The following NAV2 variants were observed in gnomAD, a reference collection of about 807,000 sequenced individuals.
The protein encoded by NAV2 is helicase, APC down-regulated 1.
Under a neutral mutation model 223.2 loss-of-function variants are expected in NAV2, and 54 were observed. That is an observed-to-expected ratio of 0.24 (90% CI 0.19 to 0.30). The LOEUF is 0.30. Ranked by LOEUF, NAV2 falls within the 10% of genes least tolerant of loss-of-function variation. NAV2 has a pLI of 1.00. For synonymous variants in NAV2, 1,279 were observed against 1,239.3 expected (o/e 1.03, Z -0.67); for missense variants, 2,806 against 3,147.5 (o/e 0.89, Z 2.60).
intron 6 of NAV2, among the ~76,000 whole-genome samples, chr11:19,924,945 C>A (rs1011061695): frequency 6.6e-6 from 1 of 152,164 alleles, no homozygotes; most frequent in Non-Finnish European, 1.5e-5. Context: ...TGCAGGATAA[C>A]AAGGGTCAGG....
intron 7 of NAV2, among the ~76,000 whole-genome samples, chr11:19,938,432 G>T (rs2046107568): frequency 6.6e-6 from 1 of 152,210 alleles, no homozygotes; most frequent in African/African-American, 2.4e-5. Flanking sequence ...GCCACCACTT[G>T]GCACCAGCAG....
At chr11:20,007,397 A>G (rs1210839358) in intron 11 of NAV2, among the ~76,000 whole-genome samples, 1 of 152,266 alleles carries the variant, frequency 6.6e-6, no homozygotes, top group African/African-American at 2.4e-5. Flanking sequence ...ATGTGTGAAC[A>G]GAATTTTTCC....
At chr11:19,447,017 T>C (rs1161930219) in intron 1 of NAV2, among the ~76,000 whole-genome samples, 1 of 152,202 alleles carries the variant, frequency 6.6e-6, no homozygotes, top group Admixed American at 6.5e-5. Context: ...GAGGTTACTA[T>C]GCTGCCTGCT....
At chr11:20,068,008 T>C (rs1243877370) in intron 20 of NAV2, among the ~76,000 whole-genome samples, 178 bp from the exon 21 acceptor site, 1 of 152,186 alleles carries the variant, frequency 6.6e-6, no homozygotes, top group African/African-American at 2.4e-5. Flanking sequence ...CCGTTTGTAT[T>C]TGGCCTTTCT....
chr11:19,748,275 A>G (rs549735489), intron 1 of NAV2, among the ~76,000 whole-genome samples: 1 of 152,316 alleles, frequency 6.6e-6, no homozygotes, highest in South Asian at 2.1e-4. Flanking sequence ...CATTTTACAA[A>G]TTAGGTAACC....
At chr11:19,508,640 G>A (rs919844786) in intron 1 of NAV2, among the ~76,000 whole-genome samples, 15 of 152,056 alleles carry the variant, frequency 9.9e-5, no homozygotes, top group Admixed American at 3.9e-4. Context: ...TAAGTTCCCC[G>A]TCCTGTACTC....
intron 3 of NAV2, among the ~76,000 whole-genome samples, chr11:19,863,244 A>G (rs1376238892): frequency 6.6e-6 from 1 of 151,654 alleles, no homozygotes; most frequent in Non-Finnish European, 1.5e-5. Flanking sequence ...CTCCATGTCA[A>G]CTCCTTTATG....
intron 1 of NAV2, among the ~76,000 whole-genome samples, chr11:19,553,611 C>T (rs1565044148): frequency 6.6e-6 from 1 of 152,186 alleles, no homozygotes; most frequent in South Asian, 2.1e-4. Context: ...GCTTGGGCTG[C>T]GGGTGGCCTC....
intron 1 of NAV2, among the ~76,000 whole-genome samples, chr11:19,527,324 A>G (rs1438688615): frequency 2.0e-5 from 3 of 152,144 alleles, no homozygotes; most frequent in Non-Finnish European, 4.4e-5. Context: ...CACGATTATG[A>G]GGCCTCCCCA....
intron 1 of NAV2, among the ~76,000 whole-genome samples, chr11:19,780,618 T>C (rs758111648): frequency 3.9e-5 from 6 of 152,274 alleles, no homozygotes; most frequent in Non-Finnish European, 8.8e-5. Context: ...TTGCTTTACC[T>C]CTTCGATCTT....
At chr11:19,722,221 T>C (rs2152370748) in intron 1 of NAV2, among the ~76,000 whole-genome samples, 1 of 152,342 alleles carries the variant, frequency 6.6e-6, no homozygotes, top group Non-Finnish European at 1.5e-5. Context: ...TTTCTGGAAA[T>C]AAATCACAAG....
chr11:20,012,555 A>G (rs2053645074), intron 11 of NAV2, among the ~76,000 whole-genome samples: 1 of 152,058 alleles, frequency 6.6e-6, no homozygotes, highest in Non-Finnish European at 1.5e-5. Context: ...CACGCCTGTA[A>G]TCCTAGCTAC....
intron 1 of NAV2, among the ~76,000 whole-genome samples, chr11:19,405,886 G>A (rs1244670078): frequency 3.3e-5 from 5 of 152,176 alleles, no homozygotes; most frequent in Non-Finnish European, 2.9e-5. Flanking sequence ...AAATGCCAAA[G>A]TGTTATCTAG....
intron 6 of NAV2, among the ~76,000 whole-genome samples, chr11:19,915,299 G>T (rs900154235): frequency 2.6e-5 from 4 of 152,216 alleles, no homozygotes; most frequent in Admixed American, 1.3e-4. Flanking sequence ...AGGGAAAGAT[G>T]ACTTGTGTTG....
chr11:19,965,561 A>T (rs1387764381), intron 10 of NAV2, among the ~76,000 whole-genome samples: 1 of 152,076 alleles, frequency 6.6e-6, no homozygotes, highest in Non-Finnish European at 1.5e-5. Context: ...TCATCCTTTC[A>T]CTAATTGCCT....
chr11:19,908,822 A>T (rs992428232), intron 6 of NAV2, among the ~76,000 whole-genome samples: 2 of 152,082 alleles, frequency 1.3e-5, no homozygotes, highest in African/African-American at 4.8e-5. Flanking sequence ...AGGCAAATCG[A>T]TAGAGACAAA....
At chr11:19,645,853 C>T (rs1378726505) in intron 1 of NAV2, among the ~76,000 whole-genome samples, 3 of 152,242 alleles carry the variant, frequency 2.0e-5, no homozygotes, top group African/African-American at 4.8e-5. Context: ...TAGTATTTTA[C>T]AGCTGAGTAA....
intron 1 of NAV2, among the ~76,000 whole-genome samples, chr11:19,578,081 A>G (rs1166282271): frequency 6.6e-6 from 1 of 152,208 alleles, no homozygotes; most frequent in African/African-American, 2.4e-5. Flanking sequence ...TAAATCCAGC[A>G]GCGTCCCCTC....
At chr11:19,826,990 C>G (rs2059670701) in intron 1 of NAV2, among the ~76,000 whole-genome samples, 1 of 152,186 alleles carries the variant, frequency 6.6e-6, no homozygotes, top group Non-Finnish European at 1.5e-5. Context: ...CATACACGTT[C>G]TCTACATCTG....
Sources: allele counts gnomAD v4.1 joint callset (sites outside exome capture counted in the v4.1 genomes callset), GRCh38; gene constraint gnomAD v4.1.1; transcripts MANE v1.5; gene names NCBI Gene and HGNC (gene_info 2026-07-23, HGNC 2026-07-21).